WFS1: variants seen among roughly 807,000 people sequenced by gnomAD.
The protein encoded by WFS1 is wolframin.
WFS1 carries 90 observed loss-of-function variants against 68.5 expected under a neutral mutation model. The observed-to-expected ratio is 1.31, with a 90% CI of 1.11 to 1.56. The LOEUF (loss-of-function observed/expected upper bound fraction) is 1.56, where lower values mean the gene tolerates loss of function less well. Among genes scored for constraint, WFS1 ranks in the 40% most tolerant of loss-of-function variants. The pLI, the probability that WFS1 is intolerant of heterozygous loss-of-function variation, is 0.00. For synonymous variants in WFS1, 860 were observed against 540.7 expected, an observed-to-expected ratio of 1.59 and a Z score of -8.19; for missense variants, 1,767 against 1,232.6, an observed-to-expected ratio of 1.43 and a Z score of -6.49.
In WFS1 at chr4:6,302,210, G is replaced by C; in HGVS notation, c.2415G>C (p.Arg805=). The C allele has an allele frequency of 6.2e-7, 1 of 1,611,076 alleles. No individual in the cohort carries two copies. Among genetic ancestry groups the C allele is most frequent in the Non-Finnish European group, 8.5e-7 (1 of 1,178,884 alleles). ...EDDVTKDIVL[R]ASSEFKSVLL... ...ACGTCACCAAGGACATCGTGCTGCG[G>C]GCCAGCAGCGAGTTCAAGAGCGTGC... Residue 805 remains arginine, a synonymous_variant, in exon 8 of 8, where the codon CGG becomes CGC. Coordinates refer to ENST00000226760, the MANE Select transcript of WFS1 (RefSeq NM_006005.3).
chr4:6,276,334 T>G (rs969234629), intron 1 of WFS1, among the ~76,000 whole-genome samples: 3 of 152,192 alleles, frequency 2.0e-5, no homozygotes, highest in Non-Finnish European at 2.9e-5. Flanking sequence ...GATGGTGGTG[T>G]TTTTCCATGT....
In WFS1 at chr4:6,302,041, C is replaced by G. The variant is rs199769524; in HGVS notation, c.2246C>G (p.Thr749Arg). Residue 749 changes from threonine (T) to arginine (R), a missense_variant, in exon 8 of 8, where the codon ACG becomes AGG. By Grantham distance (71) the Thr-to-Arg change is moderately conservative. Coordinates refer to ENST00000226760, the MANE Select transcript of WFS1 (RefSeq NM_006005.3). ...GCCTGCAGCCCTGGCAACACCTCCA[C>G]GGCCGAGGAGGAGCTCTGTCGCCTT... is the stretch of plus-strand genomic sequence containing the variant. ...YPACSPGNTS[T>R]AEEELCRLKL... 6.2e-7 allele frequency: 1 copy of G among 1,612,820 alleles called. No homozygotes were observed. Among genetic ancestry groups the G allele is most frequent in the East Asian group, 2.2e-5 (1 of 44,876 alleles).
rs369067749 is a variant in WFS1 at position 6,289,095 on chromosome 4, G to A, written c.424G>A (p.Val142Met). The A allele has an allele frequency of 6.3e-7, 1 of 1,584,676 alleles. No individual in the cohort carries two copies. The highest frequency in any genetic ancestry group is 8.6e-7 in the Non-Finnish European group (1 of 1,165,880). Residue 142 changes from valine (V) to methionine (M), a missense_variant, in exon 4 of 8, where the codon GTG (valine) becomes ATG (methionine). By Grantham distance (21) the Val-to-Met change is conservative (BLOSUM62 1). Transcript: ENST00000226760. ...CGCGAAGCAGGGCCGTCGCGAGGCT[G>A]TGAAGCTGCTTCGCCGGTGCTTGGC... The part of the protein sequence containing the change: ...LAAKQGRREA[V>M]KLLRRCLADR...
At chr4:6,276,252 G>A (rs1041050424) in intron 1 of WFS1, among the ~76,000 whole-genome samples, 7 of 152,206 alleles carry the variant, frequency 4.6e-5, no homozygotes, top group Admixed American at 6.5e-5. Context: ...GGGCCCATCC[G>A]GGTCCGGGGC....
chr4:6,293,453 C>G (rs1730525916), intron 6 of WFS1, among the ~76,000 whole-genome samples: 1 of 152,236 alleles, frequency 6.6e-6, no homozygotes, highest in Non-Finnish European at 1.5e-5. Flanking sequence ...TCATCCCCTT[C>G]TCTCGTCCTC....
intron 2 of WFS1, among the ~76,000 whole-genome samples, chr4:6,281,205 T>C (rs1016870485): frequency 6.6e-6 from 1 of 152,112 alleles, no homozygotes; most frequent in Non-Finnish European, 1.5e-5. Flanking sequence ...TGACTGAGGC[T>C]GCACTGCCAG....
intron 7 of WFS1, among the ~76,000 whole-genome samples, chr4:6,299,079 C>T (rs937125627): frequency 6.6e-6 from 1 of 152,256 alleles, no homozygotes; most frequent in Non-Finnish European, 1.5e-5. Context: ...GCTTTGTATG[C>T]CACGCCATGC....
In WFS1 at chr4:6,301,025, C is replaced by G. The variant is rs1005853401; in HGVS notation, c.1230C>G (p.Leu410=). The G allele has an allele frequency of 1.7e-5, 27 of 1,613,980 alleles. No homozygotes were observed. The highest frequency in any genetic ancestry group is 2.1e-5 in the Non-Finnish European group (25 of 1,179,984). ...NHLEPYAHFL[L]SVFFVIFSFP... ...TGGAGCCCTATGCCCATTTCCTGCT[C>G]TCTGTCTTCTTCGTCATCTTCTCCT... Residue 410 remains leucine, a synonymous_variant, in exon 8 of 8, where the codon CTC becomes CTG. Transcript: ENST00000226760.
chr4:6,274,261 A>G lies in WFS1; in HGVS notation c.-5-3190A>G, dbSNP rs140776882. Among the ~76,000 whole-genome samples the G allele has an allele frequency of 3.5e-3, 538 of 151,960 alleles. 6 individuals are homozygous for G. The highest frequency in any genetic ancestry group is 4.8e-3 in the Non-Finnish European group (326 of 67,970). Reference sequence around the variant, plus strand: ...ACGGGGTTTCACTGTGTTAGCCAGGATGGTCTTGATCTCCTGACCTTGTGA... The same window carrying G: ...ACGGGGTTTCACTGTGTTAGCCAGGGTGGTCTTGATCTCCTGACCTTGTGA... On this transcript the variant is annotated intron_variant, in intron 1 of 7. Coordinates refer to ENST00000226760, the MANE Select transcript of WFS1 (RefSeq NM_006005.3).
chr4:6,280,221 A>T (rs1302643252), intron 2 of WFS1, among the ~76,000 whole-genome samples: 1 of 152,056 alleles, frequency 6.6e-6, no homozygotes, highest in East Asian at 1.9e-4. Flanking sequence ...ACGTGCTGAG[A>T]GGTGTTGTCT....
Position 6,301,867 on chromosome 4 carries a change from G to C in WFS1, c.2072G>C (p.Ser691Thr). 2 of 1,612,888 alleles carry C rather than the reference G, an allele frequency of 1.2e-6. No homozygotes were observed. The highest frequency in any genetic ancestry group is 2.2e-5 in the East Asian group (1 of 44,872). ...ATGGCGCGCACCCAGATCCTCTGCA[G>C]CCACCTGGAGGGCCACAGGGTCACG... Reference protein sequence around the residue: ...TNMARTQILCSHLEGHRVTWT... With the variant: ...TNMARTQILCTHLEGHRVTWT... Residue 691 changes from serine to threonine, a missense_variant, in exon 8 of 8, where the codon AGC becomes ACC. Transcript: ENST00000226760.
At chr4:6,273,616 C>T (rs1019581379) in intron 1 of WFS1, among the ~76,000 whole-genome samples, 7 of 152,182 alleles carry the variant, frequency 4.6e-5, no homozygotes, top group African/African-American at 9.7e-5. Context: ...GCAAGGCAGC[C>T]GGTCTTCCGA....
chr4:6,292,896 C>A (rs1366223991), intron 6 of WFS1, among the ~76,000 whole-genome samples: 1 of 152,200 alleles, frequency 6.6e-6, no homozygotes, highest in East Asian at 1.9e-4. Context: ...ACAGATCCCA[C>A]CTTCCCACTG....
chr4:6,300,613 G>T (rs779743100), intron 7 of WFS1, 44 bp from the exon 8 acceptor site: 2 of 1,612,814 alleles, frequency 1.2e-6, no homozygotes, highest in Admixed American at 1.7e-5. Context: ...GGAGCAGTGG[G>T]GGTCCTGTCC....
rs776513501 is a variant in WFS1 at position 6,301,355 on chromosome 4, G to A, written c.1560G>A (p.Gln520=). ...YLLYLFFRMA[Q]LRNFKGTYCY... ...TCTATCTCTTCTTCCGCATGGCACA[G>A]CTGAGGAATTTCAAGGGCACCTACT... Residue 520 remains glutamine (Q), a synonymous_variant, in exon 8 of 8, where the codon CAG becomes CAA. Coordinates refer to ENST00000226760, the MANE Select transcript of WFS1 (RefSeq NM_006005.3). 5.8e-5 allele frequency: 94 copies of A among 1,612,322 alleles called. 1 individual carries two copies. In the South Asian group the frequency reaches 8.2e-4, roughly 14 times the overall value.
At chr4:6,288,818 G>A in intron 3 of WFS1, 169 bp from the exon 4 acceptor site, 2 of 1,002,110 alleles carry the variant, frequency 2.0e-6, no homozygotes, top group South Asian at 2.9e-5. Flanking sequence ...AGTGGCCGGA[G>A]GCTCAGTAGG....
chr4:6,281,814 C>G (rs1730177131), intron 2 of WFS1, among the ~76,000 whole-genome samples: 1 of 152,182 alleles, frequency 6.6e-6, no homozygotes, highest in Admixed American at 6.5e-5. Context: ...CTGACCTGGC[C>G]CATCTGATTG....
intron 6 of WFS1, among the ~76,000 whole-genome samples, chr4:6,293,103 G>A (rs911393260): frequency 7.2e-5 from 11 of 152,298 alleles, no homozygotes; most frequent in African/African-American, 2.6e-4. Flanking sequence ...CCACCGAGGT[G>A]GCATGGTGCC....
intron 2 of WFS1, 112 bp downstream of exon 2, chr4:6,277,799 A>T: frequency 8.2e-7 from 1 of 1,220,958 alleles, no homozygotes; most frequent in South Asian, 1.3e-5. Flanking sequence ...GCAGTTCAGC[A>T]TTGTGCAGCT....
Sources: gnomAD v4.1 joint callset for allele counts (sites outside exome capture counted in the v4.1 genomes callset) on GRCh38, gnomAD v4.1.1 for gene constraint, MANE v1.5 for transcripts, NCBI Gene and HGNC (gene_info 2026-07-23, HGNC 2026-07-21) for gene names.